The following AKR1C4 variants were observed in gnomAD, a reference collection of about 807,000 sequenced individuals.
AKR1C4 encodes the protein aldo-keto reductase family 1 member C4, also known as 3-alpha-HSD1.
In AKR1C4, 44 loss-of-function variants were observed where a neutral mutation model predicts 41.0. The observed-to-expected ratio is 1.07, with a 90% CI of 0.84 to 1.38. The LOEUF (loss-of-function observed/expected upper bound fraction) is 1.38, where lower values mean the gene tolerates loss of function less well. Ranked by LOEUF, AKR1C4 falls within the 40% of genes most tolerant of loss-of-function variation. AKR1C4 has a pLI of 0.00. For missense variants in AKR1C4, 438 were observed against 387.9 expected, an observed-to-expected ratio of 1.13 and a Z score of -1.09; for synonymous variants, 165 against 137.7, an observed-to-expected ratio of 1.20 and a Z score of -1.39.
At chr10:5,218,400 T>C (rs868954931) in intron 8 of AKR1C4, among the ~76,000 whole-genome samples, 11 of 152,370 alleles carry the variant, frequency 7.2e-5, no homozygotes, top group Middle Eastern at 3.4e-3. Flanking sequence ...CCTGCTTTCA[T>C]TGAGAATTTG....
At chr10:5,208,632 A>G (rs1554797698) in intron 5 of AKR1C4, among the ~76,000 whole-genome samples, 1 of 151,586 alleles carries the variant, frequency 6.6e-6, no homozygotes, top group African/African-American at 2.4e-5. Context: ...AGGAATGAAG[A>G]TATTCTCCCA....
intron 8 of AKR1C4, 21 bp from the exon 9 acceptor site, chr10:5,218,697 T>C (rs781844135): frequency 6.4e-7 from 1 of 1,561,166 alleles, no homozygotes; most frequent in Non-Finnish European, 8.8e-7. Flanking sequence ...CATATTTATG[T>C]ACTATCCTTT....
chr10:5,211,615 G>A (rs1335493245), intron 5 of AKR1C4, among the ~76,000 whole-genome samples: 36 of 152,102 alleles, frequency 2.4e-4, no homozygotes, highest in Admixed American at 2.0e-3. Flanking sequence ...AGGAAGTTCC[G>A]GACCTTCTTA....
At chr10:5,205,916 A>T in intron 4 of AKR1C4, 82 bp downstream of exon 4, 2 of 1,340,548 alleles carry the variant, frequency 1.5e-6, no homozygotes, top group South Asian at 1.4e-5. Context: ...GCAACATTGG[A>T]ATATGCACCA....
intron 2 of AKR1C4, among the ~76,000 whole-genome samples, chr10:5,202,238 T>C (rs782368201): frequency 1.3e-5 from 2 of 152,192 alleles, no homozygotes; most frequent in Non-Finnish European, 2.9e-5. Flanking sequence ...TTCATCTCTT[T>C]GGTTAAGCAT....
chr10:5,210,820 C>T (rs141984789), intron 5 of AKR1C4, among the ~76,000 whole-genome samples: 1,699 of 152,316 alleles, frequency 0.011, 80 homozygotes, highest in Admixed American at 0.072. Context: ...CCATGTTGGT[C>T]AGGCTGGTCT....
Position 5,213,141 on chromosome 10 carries a change from GAT to G in AKR1C4, c.829_830del (p.Ile277GlnfsTer8). On this transcript the variant is annotated frameshift_variant, in exon 7 of 9. Transcript: ENST00000263126. LOFTEE classifies it high-confidence loss of function. ...TGGCCAAGAGCTACAATGAGCAGCG[GAT>G]CAGAGAGAACATCCAGGTGAGGAGT... ...VLAKSYNEQRIRENIQVFEFQ... is the reference protein window; with the variant it reads ...VLAKSYNEQRXRENIQVFEFQ... 6 of 1,613,746 alleles carry G rather than the reference GAT, an allele frequency of 3.7e-6. No homozygotes were observed. The highest frequency in any genetic ancestry group is 5.1e-6 in the Non-Finnish European group (6 of 1,180,022).
At chr10:5,205,433 T>A (rs565741831) in intron 3 of AKR1C4, among the ~76,000 whole-genome samples, 1 of 152,326 alleles carries the variant, frequency 6.6e-6, no homozygotes, top group South Asian at 2.1e-4. Flanking sequence ...TATTGCTGGA[T>A]ATCAAGGGCT....
At chr10:5,202,130 T>C (rs1324171540) in intron 2 of AKR1C4, among the ~76,000 whole-genome samples, 1 of 152,182 alleles carries the variant, frequency 6.6e-6, no homozygotes, top group Non-Finnish European at 1.5e-5. Context: ...GCCATTTTTA[T>C]ACTATTGATT....
chr10:5,209,267 T>A (rs144256766), intron 5 of AKR1C4, among the ~76,000 whole-genome samples: 3 of 152,332 alleles, frequency 2.0e-5, no homozygotes, highest in African/African-American at 7.2e-5. Context: ...ACAGCAAATT[T>A]TCACATGATG....
rs141421379 is a variant in AKR1C4 at position 5,206,240 on chromosome 10, G to A, written c.448-35G>A. On this transcript the variant is annotated intron_variant, in intron 4 of 8. Coordinates refer to ENST00000263126, the MANE Select transcript of AKR1C4 (RefSeq NM_001818.5). ...CATTTATCATAATCTGCAGCCAACT[G>A]CACAAATAATTCCTCACAACCCCTT... 176 of 1,613,548 alleles carry A rather than the reference G, an allele frequency of 1.1e-4. No individual in the cohort carries two copies. The East Asian group carries it at 3.5e-3, about 32-fold the overall frequency.
chr10:5,218,348 T>A (rs181411676), intron 8 of AKR1C4, among the ~76,000 whole-genome samples: 1 of 152,222 alleles, frequency 6.6e-6, no homozygotes, highest in Non-Finnish European at 1.5e-5. Context: ...ATGATGAACA[T>A]ATAGCTGGCT....
intron 1 of AKR1C4, 89 bp downstream of exon 1, chr10:5,197,040 TG>T: frequency 7.6e-7 from 1 of 1,317,722 alleles, no homozygotes; most frequent in Non-Finnish European, 1.1e-6. Context: ...TTTGTGTTTC[TG>T]TTACCCTGAG....
chr10:5,216,575 G>C (rs1832660425), intron 7 of AKR1C4, 136 bp from the exon 8 acceptor site: 2 of 611,784 alleles, frequency 3.3e-6, no homozygotes, highest in African/African-American at 1.9e-5. Flanking sequence ...AGAGTTTAGA[G>C]ATGGTCTTTC....
intron 2 of AKR1C4, chr10:5,202,382 G>A: frequency 2.4e-6 from 1 of 409,782 alleles, no homozygotes; most frequent in Non-Finnish European, 4.9e-6. Context: ...TACTGAATTT[G>A]TTTGTCGGAG....
intron 2 of AKR1C4, among the ~76,000 whole-genome samples, chr10:5,202,844 T>C (rs889376540): frequency 6.6e-6 from 1 of 152,116 alleles, no homozygotes; most frequent in Non-Finnish European, 1.5e-5. Context: ...TTGATCATGA[T>C]ATATTTTTGA....
chr10:5,210,114 G>T (rs4424574), intron 5 of AKR1C4, among the ~76,000 whole-genome samples: 16,909 of 152,178 alleles, frequency 0.11, 1,169 homozygotes, highest in Admixed American at 0.17. Context: ...GGAGAAATGG[G>T]CCAAAACAAA....
At position 5,212,708 on chromosome 10, in the gene AKR1C4, C is replaced by G; in HGVS notation, c.663C>G (p.Thr221=). Residue 221 remains threonine, a synonymous_variant, in exon 6 of 9, where the codon ACC becomes ACG. Coordinates refer to ENST00000263126, the MANE Select transcript of AKR1C4 (RefSeq NM_001818.5). The part of the protein sequence containing the change: ...IVLVAHSALG[T]QRHKLWVDPN... ...TGGTTGCCCACAGTGCTCTGGGAAC[C>G]CAACGACATAAACTATGGTAATAAG... The G allele has an allele frequency of 1.2e-6, 2 of 1,612,374 alleles. No homozygotes were observed. The highest frequency in any genetic ancestry group is 1.7e-6 in the Non-Finnish European group (2 of 1,179,566).
chr10:5,208,908 C>A (rs74229604), intron 5 of AKR1C4, among the ~76,000 whole-genome samples: 22 of 147,740 alleles, frequency 1.5e-4, no homozygotes, highest in African/African-American at 1.5e-4. Flanking sequence ...AAAACAAAAA[C>A]AAAAAAAAAA....
Sources: gnomAD v4.1 joint callset for allele counts (sites outside exome capture counted in the v4.1 genomes callset) on GRCh38, gnomAD v4.1.1 for gene constraint, MANE v1.5 for transcripts, NCBI Gene and HGNC (gene_info 2026-07-23, HGNC 2026-07-21) for gene names.